Variants in ANKFN1 observed in about 807,000 individuals in gnomAD.
The protein encoded by ANKFN1 is ankyrin repeat and fibronectin type-III domain-containing protein 1.
In ANKFN1, 74 loss-of-function variants were observed where a neutral mutation model predicts 108.7. The observed-to-expected ratio is 0.68, with a 90% CI of 0.56 to 0.83. The LOEUF is 0.83. ANKFN1 is among the 40% of genes least tolerant of loss of function. The probability of loss-of-function intolerance (pLI) is 0.00; values close to 1 mark genes in which losing one functional copy is unlikely to be tolerated. For synonymous variants in ANKFN1, 547 were observed against 516.2 expected, an observed-to-expected ratio of 1.06 and a Z score of -0.81; for missense variants, 1,505 against 1,382.3, an observed-to-expected ratio of 1.09 and a Z score of -1.41.
Position 56,154,843 on chromosome 17 carries a change from G to T in ANKFN1, c.-71+1313G>T, listed in dbSNP as rs74480003. Among the ~76,000 whole-genome samples the T allele has an allele frequency of 8.5e-3, 1,301 of 152,234 alleles. 69 individuals carry two copies. In the East Asian group the frequency reaches 0.16, roughly 19 times the overall value. ...GGGGTATGATTACCATTTGTTCCAT[G>T]AAGTGTAGAGCTAGGACTAGTCTTG... is the stretch of plus-strand genomic sequence containing the variant. On this transcript the variant is annotated intron_variant, in intron 1 of 20. Coordinates refer to ENST00000682825, the MANE Select transcript of ANKFN1 (RefSeq NM_001370326.1).
chr17:56,138,377 T>C (rs886161132), intron 4 of ANKFN1, among the ~76,000 whole-genome samples: 2 of 152,342 alleles, frequency 1.3e-5, no homozygotes, highest in African/African-American at 4.8e-5. Flanking sequence ...AAGTAAATCT[T>C]GGGTAAGATC....
At chr17:56,170,774 T>TTTATA (rs1555604529) in intron 1 of ANKFN1, among the ~76,000 whole-genome samples, 3 of 68,108 alleles carry the variant, frequency 4.4e-5, no homozygotes, top group South Asian at 6.6e-4. Flanking sequence ...AAAAAATTTT[T>TTTATA]TATATATATA....
intron 8 of ANKFN1, among the ~76,000 whole-genome samples, chr17:56,426,460 A>G (rs9892439): frequency 0.09 from 13,782 of 152,294 alleles, 741 homozygotes; most frequent in African/African-American, 0.16. Flanking sequence ...TGCATGAGTC[A>G]ATCTACCAGT....
At chr17:56,354,087 G>A (rs2046316435) in intron 6 of ANKFN1, 41 bp downstream of exon 6, 2 of 1,591,506 alleles carry the variant, frequency 1.3e-6, no homozygotes, top group Non-Finnish European at 1.7e-6. Context: ...ATTAAAGCCA[G>A]ATTCCAGCCT....
At chr17:56,434,479 A>G (rs73991506) in intron 8 of ANKFN1, among the ~76,000 whole-genome samples, 11,352 of 151,720 alleles carry the variant, frequency 0.075, 1,409 homozygotes, top group African/African-American at 0.26. Flanking sequence ...TAATTTGGGG[A>G]AAAAAAATGT....
intron 3 of ANKFN1, among the ~76,000 whole-genome samples, chr17:56,251,642 A>G (rs1365817159): frequency 6.6e-6 from 1 of 152,162 alleles, no homozygotes; most frequent in East Asian, 1.9e-4. Flanking sequence ...TCAGAACTGC[A>G]CAGTGTTTAT....
At chr17:56,137,824 A>G (rs945533596) in intron 4 of ANKFN1, among the ~76,000 whole-genome samples, 2 of 152,196 alleles carry the variant, frequency 1.3e-5, no homozygotes, top group African/African-American at 4.8e-5. Context: ...AAATACAGAG[A>G]TAATAGGATG....
At chr17:56,361,266 C>T (rs2046509478) in intron 6 of ANKFN1, among the ~76,000 whole-genome samples, 1 of 151,950 alleles carries the variant, frequency 6.6e-6, no homozygotes, top group South Asian at 2.1e-4. Context: ...TCTTTGATAG[C>T]CCACCCAACT....
chr17:56,123,518 A>T (rs1906744090), intron 4 of ANKFN1, among the ~76,000 whole-genome samples: 1 of 152,156 alleles, frequency 6.6e-6, no homozygotes, highest in African/African-American at 2.4e-5. Context: ...GACTCCCAAA[A>T]ACACACAGAA....
At chr17:56,500,570 C>A (rs1160657519) in intron 20 of ANKFN1, among the ~76,000 whole-genome samples, 1 of 152,134 alleles carries the variant, frequency 6.6e-6, no homozygotes, top group African/African-American at 2.4e-5. Context: ...GTATTAAACT[C>A]TTATGATCAA....
chr17:56,404,935 G>T (rs1344185821), intron 8 of ANKFN1, among the ~76,000 whole-genome samples: 1 of 152,174 alleles, frequency 6.6e-6, no homozygotes, highest in East Asian at 1.9e-4. Flanking sequence ...CTCTCTTCTG[G>T]GTCTAGCAAC....
chr17:56,440,288 C>A, intron 8 of ANKFN1, 39 bp from the exon 9 acceptor site: 1 of 1,325,016 alleles, frequency 7.5e-7, no homozygotes, highest in South Asian at 1.2e-5. Flanking sequence ...ATTTTATTCT[C>A]CCTCTTTCTC....
chr17:56,290,618 T>G (rs1318665398), intron 3 of ANKFN1, among the ~76,000 whole-genome samples: 1 of 152,126 alleles, frequency 6.6e-6, no homozygotes, highest in Non-Finnish European at 1.5e-5. Context: ...AACTAAATAT[T>G]TTAAGAGCCC....
At chr17:56,276,035 G>C (rs1183336695) in intron 3 of ANKFN1, among the ~76,000 whole-genome samples, 1 of 151,948 alleles carries the variant, frequency 6.6e-6, no homozygotes, top group East Asian at 1.9e-4. Context: ...CCCCATGACA[G>C]GCCCCAGAGT....
intron 14 of ANKFN1, among the ~76,000 whole-genome samples, chr17:56,465,759 A>G (rs1294555627): frequency 6.6e-6 from 1 of 152,196 alleles, no homozygotes; most frequent in Non-Finnish European, 1.5e-5. Context: ...GACCCAGTTT[A>G]TAAGCAATTT....
intron 1 of ANKFN1, among the ~76,000 whole-genome samples, chr17:56,172,169 A>G (rs1910747816): frequency 2.0e-5 from 3 of 152,154 alleles, no homozygotes; most frequent in Non-Finnish European, 4.4e-5. Context: ...TCTCAACGTG[A>G]TAAATAACTC....
chr17:56,456,638 C>T (rs1031969303), intron 11 of ANKFN1, among the ~76,000 whole-genome samples: 14 of 151,722 alleles, frequency 9.2e-5, no homozygotes, highest in Admixed American at 3.3e-4. Flanking sequence ...CCTCGTGATC[C>T]GCCCCCCTCG....
chr17:56,153,988 C>T (rs1230368706), intron 1 of ANKFN1, among the ~76,000 whole-genome samples: 1 of 151,970 alleles, frequency 6.6e-6, no homozygotes, highest in Non-Finnish European at 1.5e-5. Context: ...ACTTTATTGT[C>T]ATGATGATGG....
At chr17:56,316,206 T>A (rs962318883) in intron 3 of ANKFN1, among the ~76,000 whole-genome samples, 1 of 152,208 alleles carries the variant, frequency 6.6e-6, no homozygotes, top group Non-Finnish European at 1.5e-5. Context: ...TACACAGTTA[T>A]GCGTCTTTAT....
Sources: allele counts gnomAD v4.1 joint callset (sites outside exome capture counted in the v4.1 genomes callset), GRCh38; gene constraint gnomAD v4.1.1; transcripts MANE v1.5; gene names NCBI Gene and HGNC (gene_info 2026-07-23, HGNC 2026-07-21).